Variants in KCNH7 observed in about 807,000 individuals in gnomAD.
KCNH7 encodes the protein potassium voltage-gated channel subfamily H member 7, also known as voltage-gated inwardly rectifying potassium channel KCNH7.
In KCNH7, 49 loss-of-function variants were observed where a neutral mutation model predicts 120.8. The ratio of observed to expected loss-of-function variants is 0.41; its 90% CI spans 0.32 to 0.51. KCNH7 has a LOEUF of 0.51. Ranked by LOEUF, KCNH7 falls within the 20% of genes least tolerant of loss-of-function variation. The probability of loss-of-function intolerance (pLI) is 0.38; values close to 1 mark genes in which losing one functional copy is unlikely to be tolerated. For missense variants in KCNH7, 1,097 were observed against 1,446.6 expected (o/e 0.76, Z 3.92); for synonymous variants, 547 against 516.1 (o/e 1.06, Z -0.81).
At chr2:162,656,736 T>A (rs1684776798) in intron 2 of KCNH7, among the ~76,000 whole-genome samples, 1 of 152,180 alleles carries the variant, frequency 6.6e-6, no homozygotes, top group Admixed American at 6.5e-5. Context: ...ATTGCATCAA[T>A]GATTAATTTT....
chr2:162,502,661 A>C (rs1290973650), intron 6 of KCNH7, among the ~76,000 whole-genome samples: 1 of 152,070 alleles, frequency 6.6e-6, no homozygotes, highest in Non-Finnish European at 1.5e-5. Flanking sequence ...TAGTAGAATA[A>C]CTTTCTCCCT....
chr2:162,384,713 T>C lies in KCNH7; in HGVS notation c.2937A>G (p.Ile979Met). 6.2e-7 allele frequency: 1 copy of C among 1,612,600 alleles called. No individual in the cohort carries two copies. Among genetic ancestry groups the C allele is most frequent in the Non-Finnish European group, 8.5e-7 (1 of 1,178,940 alleles). The change falls in exon 13 of 16, where the codon ATA becomes ATG. Residue 979 changes from isoleucine (I) to methionine (M), a missense_variant. Transcript: ENST00000332142. ...CTTTGCAAGAGTGACTTCTTTTATC[T>C]ATGTGCATTCTTCCTGAGGTGGGCA... is the stretch of plus-strand genomic sequence containing the variant. Reference protein sequence around the residue: ...ETVPTSGRMHIDKRSHSCKDI... With the variant: ...ETVPTSGRMHMDKRSHSCKDI...
At position 162,536,976 on chromosome 2, in the gene KCNH7, C is replaced by A; in HGVS notation, c.412G>T (p.Ala138Ser). 6.2e-7 allele frequency: 1 copy of A among 1,612,846 alleles called. No individual in the cohort carries two copies. The highest frequency in any genetic ancestry group is 8.5e-7 in the Non-Finnish European group (1 of 1,179,216). Residue 138 changes from alanine to serine, a missense_variant, in exon 3 of 16, where the codon GCT becomes TCT. Around this residue, in one of 8 missense-constraint regions of KCNH7, gnomAD observed 362 missense variants for 372.2 expected, o/e 0.97. Transcript: ENST00000332142. ...NFEYVTDNEN[A>S]ATPERVNPIL... ...GGGTTTACCCTCTCTGGGGTGGCAG[C>A]GTTTTCATTATCCGTCACATATTCA...
chr2:162,828,986 T>A (rs1009952170), intron 2 of KCNH7, among the ~76,000 whole-genome samples: 2 of 152,128 alleles, frequency 1.3e-5, no homozygotes, highest in Middle Eastern at 3.2e-3. Context: ...AGAAGACGCC[T>A]CAGCCATGAT....
chr2:162,539,173 TA>T (rs1375635217), intron 2 of KCNH7, among the ~76,000 whole-genome samples: 1 of 152,094 alleles, frequency 6.6e-6, no homozygotes, highest in African/African-American at 2.4e-5. Flanking sequence ...ACTGTTCTAT[TA>T]GAACTAAAAA....
intron 4 of KCNH7, among the ~76,000 whole-genome samples, chr2:162,514,620 T>C (rs1020381813): frequency 1.4e-4 from 22 of 151,884 alleles, no homozygotes; most frequent in African/African-American, 5.1e-4. Flanking sequence ...AGTAATTTCA[T>C]GTCTGATTAA....
intron 8 of KCNH7, among the ~76,000 whole-genome samples, chr2:162,434,435 C>T (rs1688173293): frequency 6.6e-6 from 1 of 151,964 alleles, no homozygotes; most frequent in Admixed American, 6.6e-5. Flanking sequence ...AACAAAAATC[C>T]ATCATGCTTT....
Position 162,447,475 on chromosome 2 carries a change from T to C in KCNH7, c.1129-1032A>G, listed in dbSNP as rs139817925. Among the ~76,000 whole-genome samples, 851 of 152,210 alleles carry C rather than the reference T, an allele frequency of 5.6e-3. 7 individuals carry two copies. The highest frequency in any genetic ancestry group is 0.017 in the African/African-American group (725 of 41,538). Reference sequence around the variant, plus strand: ...TTTTGTAATGGCTCCACAAATGGCATAAAAAGAGCAATTTAAAAAGGGAAA... The same window carrying C: ...TTTTGTAATGGCTCCACAAATGGCACAAAAAGAGCAATTTAAAAAGGGAAA... On this transcript the variant is annotated intron_variant, in intron 6 of 15. Coordinates refer to ENST00000332142, the MANE Select transcript of KCNH7 (RefSeq NM_033272.4).
intron 2 of KCNH7, among the ~76,000 whole-genome samples, chr2:162,599,305 A>T (rs1694476464): frequency 6.6e-6 from 1 of 152,038 alleles, no homozygotes. Context: ...TCAGAGTGGG[A>T]ATTTAAACTC....
At chr2:162,799,159 C>T (rs1684253167) in intron 2 of KCNH7, among the ~76,000 whole-genome samples, 1 of 151,928 alleles carries the variant, frequency 6.6e-6, no homozygotes, top group Non-Finnish European at 1.5e-5. Flanking sequence ...AGCTTTGCTT[C>T]CCTTGAGAAA....
intron 2 of KCNH7, among the ~76,000 whole-genome samples, chr2:162,569,422 T>G (rs1693383029): frequency 6.7e-6 from 1 of 149,348 alleles, no homozygotes; most frequent in Non-Finnish European, 1.5e-5. Context: ...TTCTCTCTTT[T>G]TTTCTTTATT....
intron 14 of KCNH7, among the ~76,000 whole-genome samples, chr2:162,377,150 C>T (rs905688757): frequency 6.6e-6 from 1 of 151,878 alleles, no homozygotes; most frequent in Non-Finnish European, 1.5e-5. Flanking sequence ...TTGAGCTTCC[C>T]CCTTCAAATT....
chr2:162,477,522 A>G (rs770208652), intron 6 of KCNH7, among the ~76,000 whole-genome samples: 1 of 152,096 alleles, frequency 6.6e-6, no homozygotes, highest in Non-Finnish European at 1.5e-5. Context: ...GGGAAGTTTT[A>G]TTTATTTATT....
At chr2:162,396,616 C>T in intron 11 of KCNH7, 124 bp downstream of exon 11, 2 of 690,384 alleles carry the variant, frequency 2.9e-6, no homozygotes, top group Non-Finnish European at 2.4e-6. Context: ...CCTTTCCTTC[C>T]AAATATTCAG....
At chr2:162,796,463 C>T (rs1262846967) in intron 2 of KCNH7, 1 of 152,088 alleles carries the variant, frequency 6.6e-6, no homozygotes, top group East Asian at 1.9e-4. Context: ...CTACCTGCCT[C>T]AGGTAAGCTT....
chr2:162,802,862 T>C (rs1380093854), intron 2 of KCNH7, among the ~76,000 whole-genome samples: 1 of 151,780 alleles, frequency 6.6e-6, no homozygotes, highest in Non-Finnish European at 1.5e-5. Flanking sequence ...CACAAACATA[T>C]TTTATGCTTC....
intron 13 of KCNH7, among the ~76,000 whole-genome samples, chr2:162,380,687 T>C (rs145016484): frequency 6.6e-6 from 1 of 152,298 alleles, no homozygotes; most frequent in Non-Finnish European, 1.5e-5. Context: ...TTCTTGTGGC[T>C]CTTTATTTTA....
In KCNH7 at chr2:162,429,383, C is replaced by CTTTTTTTTTTTTTTTTTTTTTT. The variant is rs60854157; in HGVS notation, c.1954+5793_1954+5814dup. Among the ~76,000 whole-genome samples the CTTTTTTTTTTTTTTTTTTTTTT allele has an allele frequency of 1.8e-3, 155 of 86,228 alleles. 20 individuals carry two copies. The highest frequency in any genetic ancestry group is 5.1e-3 in the African/African-American group (82 of 15,976). The allele number at this position is 86,228 out of a possible 152,430, so 56.6% of individuals were successfully genotyped here. ...AGACATTTAGAAATGAGGAAAAAGT[C>CTTTTTTTTTTTTTTTTTTTTTT]TTTTTTTTTTTTTTTTTTTTTTACT... On this transcript the variant is annotated intron_variant, in intron 8 of 15. Transcript: ENST00000332142.
intron 2 of KCNH7, among the ~76,000 whole-genome samples, chr2:162,542,693 T>C (rs925392939): frequency 1.3e-5 from 2 of 151,924 alleles, no homozygotes; most frequent in Non-Finnish European, 2.9e-5. Context: ...CTATTGTGAA[T>C]AGTGCCGCAA....
Sources: allele counts gnomAD v4.1 joint callset (sites outside exome capture counted in the v4.1 genomes callset), GRCh38; gene constraint gnomAD v4.1.1; regional missense constraint gnomAD v4.1.1; transcripts MANE v1.5; gene names NCBI Gene and HGNC (gene_info 2026-07-23, HGNC 2026-07-21).